CADM2: variants seen among roughly 807,000 people sequenced by gnomAD.
CADM2 encodes immunoglobulin superfamily member 4D.
CADM2 carries 12 observed loss-of-function variants against 49.8 expected under a neutral mutation model. That is an observed-to-expected ratio of 0.24 (90% CI 0.15 to 0.39). The LOEUF (loss-of-function observed/expected upper bound fraction) is 0.39. CADM2 is among the 10% of genes least tolerant of loss of function. The pLI, the probability that CADM2 is intolerant of heterozygous loss-of-function variation, is 1.00. For synonymous variants in CADM2, 214 were observed against 175.4 expected (o/e 1.22, Z -1.74); for missense variants, 378 against 492.3 (o/e 0.77, Z 2.20).
chr3:85,717,535 A>G (rs193177212), intron 1 of CADM2, among the ~76,000 whole-genome samples: 176 of 152,250 alleles, frequency 1.2e-3, no homozygotes, highest in Middle Eastern at 3.4e-3. Context: ...TATGTTGAAT[A>G]GGAGTTATGT....
At chr3:85,083,759 C>T (rs1170817390) in intron 1 of CADM2, among the ~76,000 whole-genome samples, 1 of 151,888 alleles carries the variant, frequency 6.6e-6, no homozygotes, top group African/African-American at 2.4e-5. Flanking sequence ...TTTATTGACC[C>T]TAACTATTGT....
chr3:85,309,474 A>G (rs1441157394), intron 1 of CADM2, among the ~76,000 whole-genome samples: 1 of 152,174 alleles, frequency 6.6e-6, no homozygotes, highest in Non-Finnish European at 1.5e-5. Context: ...TGATGTGAAA[A>G]GAACCTACTT....
At chr3:85,044,163 C>A (rs189714712) in intron 1 of CADM2, among the ~76,000 whole-genome samples, 1 of 152,164 alleles carries the variant, frequency 6.6e-6, no homozygotes, top group Non-Finnish European at 1.5e-5. Context: ...ACAAATGATC[C>A]TGTGCCTATG....
chr3:85,952,481 G>A (rs1723557949), intron 7 of CADM2, among the ~76,000 whole-genome samples: 1 of 150,932 alleles, frequency 6.6e-6, no homozygotes, highest in African/African-American at 2.4e-5. Flanking sequence ...GGATCAAGAT[G>A]TATTTCTTGG....
At chr3:85,633,335 T>G (rs561917841) in intron 1 of CADM2, among the ~76,000 whole-genome samples, 204 of 152,202 alleles carry the variant, frequency 1.3e-3, no homozygotes, top group Admixed American at 2.2e-3. Context: ...CTTTCCTGCT[T>G]TAGCAAGTCT....
intron 2 of CADM2, among the ~76,000 whole-genome samples, chr3:85,784,263 A>G (rs181241955): frequency 1.0e-3 from 157 of 152,346 alleles, no homozygotes; most frequent in Non-Finnish European, 3.4e-4. Context: ...TATTTATTAA[A>G]GTTTTTAGTA....
intron 5 of CADM2, among the ~76,000 whole-genome samples, chr3:85,897,236 T>TA (rs1336956819): frequency 7.0e-5 from 9 of 129,426 alleles, no homozygotes; most frequent in Non-Finnish European, 1.1e-4. Flanking sequence ...TGCTTTAACC[T>TA]ACATCTTTTT....
chr3:85,089,839 T>C (rs957124737), intron 1 of CADM2, among the ~76,000 whole-genome samples: 9 of 152,198 alleles, frequency 5.9e-5, no homozygotes, highest in African/African-American at 1.9e-4. Flanking sequence ...TTTATCTTCA[T>C]ATGCTGAAAA....
At chr3:85,293,133 A>G (rs2043850747) in intron 1 of CADM2, among the ~76,000 whole-genome samples, 1 of 152,178 alleles carries the variant, frequency 6.6e-6, no homozygotes, top group East Asian at 1.9e-4. Flanking sequence ...AGAAATACAA[A>G]CTACCATCAG....
chr3:85,753,115 A>G (rs1267886094), intron 2 of CADM2, among the ~76,000 whole-genome samples: 1 of 152,192 alleles, frequency 6.6e-6, no homozygotes, highest in African/African-American at 2.4e-5. Context: ...AAAAAAAGAA[A>G]AACAACTGTG....
At chr3:85,373,387 A>G (rs1331084512) in intron 1 of CADM2, among the ~76,000 whole-genome samples, 1 of 152,100 alleles carries the variant, frequency 6.6e-6, no homozygotes, top group African/African-American at 2.4e-5. Context: ...GTGGGTTCCC[A>G]TGGTCTTGGG....
chr3:85,956,017 A>C (rs955762985), intron 7 of CADM2, among the ~76,000 whole-genome samples: 3 of 151,734 alleles, frequency 2.0e-5, no homozygotes, highest in African/African-American at 4.8e-5. Flanking sequence ...ATAGAAACAA[A>C]ATCAAAATGT....
chr3:85,065,361 G>A (rs2036489835), intron 1 of CADM2, among the ~76,000 whole-genome samples: 1 of 151,668 alleles, frequency 6.6e-6, no homozygotes, highest in Admixed American at 6.6e-5. Flanking sequence ...ATTTAAAATT[G>A]CTTTAATTAC....
intron 1 of CADM2, among the ~76,000 whole-genome samples, chr3:85,176,643 A>G (rs920303464): frequency 1.3e-5 from 2 of 152,158 alleles, no homozygotes; most frequent in Non-Finnish European, 2.9e-5. Context: ...GATTTTTTCC[A>G]TCCTTTTTAT....
intron 1 of CADM2, among the ~76,000 whole-genome samples, chr3:85,141,852 T>C (rs1014481463): frequency 7.2e-5 from 11 of 152,178 alleles, no homozygotes; most frequent in Non-Finnish European, 1.2e-4. Flanking sequence ...ATAAGATCAC[T>C]TGCTGTGTGC....
intron 1 of CADM2, among the ~76,000 whole-genome samples, chr3:85,592,207 C>T (rs1164722487): frequency 6.6e-6 from 1 of 151,680 alleles, no homozygotes; most frequent in Non-Finnish European, 1.5e-5. Flanking sequence ...TTATCTAATG[C>T]AAACACAAGA....
chr3:85,544,054 C>T (rs1200977516), intron 1 of CADM2, among the ~76,000 whole-genome samples: 1 of 151,620 alleles, frequency 6.6e-6, no homozygotes, highest in African/African-American at 2.4e-5. Context: ...TTTATGGGTA[C>T]AAAAAGAGAA....
At chr3:86,015,146 T>C in intron 8 of CADM2, 1 of 496,734 alleles carries the variant, frequency 2.0e-6, no homozygotes, top group Non-Finnish European at 3.6e-6. Flanking sequence ...ATAGGCCTTC[T>C]TATATTTGAT....
intron 5 of CADM2, among the ~76,000 whole-genome samples, chr3:85,898,955 A>ATATATATATATT (rs1475991339): frequency 2.9e-5 from 1 of 33,908 alleles, no homozygotes; most frequent in African/African-American, 1.5e-4. Context: ...ATATATATAT[A>ATATATATATATT]TTTTTTTTTT....
Sources: allele counts gnomAD v4.1 joint callset (sites outside exome capture counted in the v4.1 genomes callset), GRCh38; gene constraint gnomAD v4.1.1; transcripts MANE v1.5; gene names NCBI Gene and HGNC (gene_info 2026-07-23, HGNC 2026-07-21).